CNOT6: variants seen among roughly 807,000 people sequenced by gnomAD.
The protein encoded by CNOT6 is CCR4-NOT transcription complex subunit 6.
A neutral mutation model predicts 61.2 loss-of-function variants in CNOT6; 12 were observed. That is an observed-to-expected ratio of 0.20 (90% CI 0.13 to 0.32). The LOEUF is 0.32. Ranked by LOEUF, CNOT6 falls within the 10% of genes least tolerant of loss-of-function variation. CNOT6 has a pLI of 1.00. For synonymous variants in CNOT6, 225 were observed against 240.6 expected, an observed-to-expected ratio of 0.94 and a Z score of 0.60; for missense variants, 405 against 663.9, an observed-to-expected ratio of 0.61 and a Z score of 4.28.
At chr5:180,522,570 G>A (rs1262400980) in intron 1 of CNOT6, among the ~76,000 whole-genome samples, 3 of 152,126 alleles carry the variant, frequency 2.0e-5, no homozygotes, top group Non-Finnish European at 4.4e-5. Flanking sequence ...CATTCTGACT[G>A]GTGTGAGATG....
At chr5:180,551,024 G>C (rs149101415) in intron 3 of CNOT6, among the ~76,000 whole-genome samples, 31 of 152,224 alleles carry the variant, frequency 2.0e-4, no homozygotes, top group African/African-American at 7.5e-4. Context: ...CTAGTACCTT[G>C]CCTGGCATAT....
intron 2 of CNOT6, among the ~76,000 whole-genome samples, chr5:180,540,230 A>G (rs1244842432): frequency 1.3e-5 from 2 of 152,156 alleles, no homozygotes; most frequent in Admixed American, 1.3e-4. Flanking sequence ...CATTGGGACT[A>G]TATCCCCCTT....
rs578088555 is a variant in CNOT6, at chr5:180,572,366, C to T, written c.1461+934C>T. Among the ~76,000 whole-genome samples, 154 of 151,832 alleles carry T rather than the reference C, an allele frequency of 1.0e-3. 1 individual carries two copies. The highest frequency in any genetic ancestry group is 6.8e-4 in the Non-Finnish European group (46 of 67,894). ...CACCTCACCTGGCTAATTTTTGTATCTTTGGTAGAGACGGAGTTTCACCAT... is the reference window on the plus strand; with the variant it reads ...CACCTCACCTGGCTAATTTTTGTATTTTTGGTAGAGACGGAGTTTCACCAT... On this transcript the variant is annotated intron_variant, in intron 11 of 11. Transcript: ENST00000261951.
intron 1 of CNOT6, among the ~76,000 whole-genome samples, chr5:180,496,062 A>G (rs1756599903): frequency 6.6e-6 from 1 of 152,068 alleles, no homozygotes; most frequent in African/African-American, 2.4e-5. Context: ...ACCGGCAGAC[A>G]CCACCACGGC....
intron 1 of CNOT6, 86 bp downstream of exon 1, chr5:180,494,849 T>G (rs1435782805): frequency 6.6e-6 from 1 of 151,794 alleles, no homozygotes; most frequent in African/African-American, 2.4e-5. Flanking sequence ...CCGGGCTCGG[T>G]CGCGGGCAAC....
At position 180,576,873 on chromosome 5, in the gene CNOT6, CATA is replaced by C. The variant is rs1761023482; in HGVS notation, c.*2676_*2678del. ...GTAACAAATATATTTAATGTGTTGC[CATA>C]ATGTCATTTCAGTATTTTTGCTGGA... On this transcript the variant is annotated 3_prime_UTR_variant, in exon 12 of 12. Coordinates refer to ENST00000261951, the MANE Select transcript of CNOT6 (RefSeq NM_001370472.1). The C allele has an allele frequency of 6.6e-6, 1 of 151,852 alleles. No individual in the cohort carries two copies. The highest frequency in any genetic ancestry group is 2.4e-5 in the African/African-American group (1 of 41,366). The allele number at this position is 151,852 out of a possible 1,614,324, so 9.4% of individuals were successfully genotyped here.
At chr5:180,521,429 CA>C (rs1288136649) in intron 1 of CNOT6, among the ~76,000 whole-genome samples, 1 of 152,112 alleles carries the variant, frequency 6.6e-6, no homozygotes. Context: ...TAACAAGTTC[CA>C]ACAGCCTAGA....
intron 2 of CNOT6, among the ~76,000 whole-genome samples, chr5:180,544,045 T>C (rs1457750659): frequency 6.6e-6 from 1 of 152,150 alleles, no homozygotes. Context: ...TCTCCTGACC[T>C]CGTGATCCAC....
At chr5:180,551,764 G>A (rs1759612469) in intron 3 of CNOT6, among the ~76,000 whole-genome samples, 1 of 151,936 alleles carries the variant, frequency 6.6e-6, no homozygotes, top group African/African-American at 2.4e-5. Context: ...TGCCTCTATT[G>A]CTCCTACTCC....
At chr5:180,553,550 G>T in intron 4 of CNOT6, 79 bp downstream of exon 4, 1 of 1,063,434 alleles carries the variant, frequency 9.4e-7, no homozygotes, top group East Asian at 2.4e-5. Context: ...CTTTCTGCTA[G>T]GGGATTCTTT....
chr5:180,545,046 TTAAG>T (rs1265486286), intron 2 of CNOT6, among the ~76,000 whole-genome samples: 3 of 152,206 alleles, frequency 2.0e-5, no homozygotes, highest in Admixed American at 6.5e-5. Flanking sequence ...GAATGGAAAA[TTAAG>T]TAAATAAAAT....
chr5:180,519,008 A>G (rs1757771236), intron 1 of CNOT6, among the ~76,000 whole-genome samples: 1 of 152,222 alleles, frequency 6.6e-6, no homozygotes, highest in Non-Finnish European at 1.5e-5. Flanking sequence ...CATATTGTCC[A>G]GGTTGTCTTG....
intron 2 of CNOT6, among the ~76,000 whole-genome samples, chr5:180,533,017 A>G (rs1758469242): frequency 6.6e-6 from 1 of 152,120 alleles, no homozygotes. Context: ...TCGGGTTTTT[A>G]TGGAGGCTTC....
intron 2 of CNOT6, among the ~76,000 whole-genome samples, chr5:180,539,615 A>T (rs1215003917): frequency 2.3e-5 from 2 of 88,258 alleles, no homozygotes; most frequent in South Asian, 4.4e-4. Flanking sequence ...TTTGAGACGG[A>T]GTCTTGTTCT....
intron 9 of CNOT6, among the ~76,000 whole-genome samples, chr5:180,568,363 A>G (rs1231224632): frequency 1.3e-5 from 2 of 151,806 alleles, no homozygotes; most frequent in African/African-American, 4.8e-5. Context: ...ATATTCTGTA[A>G]GCTAACTTCT....
rs1164255737 is a variant in CNOT6 at position 180,565,184 on chromosome 5, A to G, written c.559+441A>G. Among the ~76,000 whole-genome samples the G allele has an allele frequency of 3.9e-5, 6 of 152,344 alleles. No individual in the cohort carries two copies. In the East Asian group the frequency reaches 7.7e-4, roughly 20 times the overall value. ...AGTGTACTGATGAAATTCACTTAAA[A>G]TGAATACACCCAAATTTTTCTCTAT... On this transcript the variant is annotated intron_variant, in intron 6 of 11. Coordinates refer to ENST00000261951, the MANE Select transcript of CNOT6 (RefSeq NM_001370472.1).
intron 1 of CNOT6, among the ~76,000 whole-genome samples, chr5:180,505,343 C>T (rs1757085733): frequency 1.5e-5 from 2 of 133,394 alleles, no homozygotes; most frequent in South Asian, 5.0e-4. Context: ...GCAAGCTCCA[C>T]CTCCCAGGTT....
intron 1 of CNOT6, among the ~76,000 whole-genome samples, chr5:180,523,681 C>G (rs1199556282): frequency 6.6e-6 from 1 of 152,122 alleles, no homozygotes; most frequent in Non-Finnish European, 1.5e-5. Context: ...TCATATTCTG[C>G]TAAGTCTCTT....
In CNOT6 at chr5:180,538,686, GTATA is replaced by G. The variant is rs59342527; in HGVS notation, c.112+9325_112+9328del. Among the ~76,000 whole-genome samples, 190 of 85,118 alleles carry G rather than the reference GTATA, an allele frequency of 2.2e-3. 1 individual carries two copies. The highest frequency in any genetic ancestry group is 5.0e-3 in the South Asian group (9 of 1,786). 55.8% of individuals were successfully genotyped at this position (85,118 alleles called of 152,430 possible). A position where few individuals can be genotyped will look rare whatever the true frequency, so the allele number is the denominator to read the frequency against. On this transcript the variant is annotated intron_variant, in intron 2 of 11. Transcript: ENST00000261951. Reference sequence around the variant, plus strand: ...GAGCGAGACTCTGTCTGAGAAAAAGGTATATATATATATATATATATATATATAT... The same window carrying G: ...GAGCGAGACTCTGTCTGAGAAAAAGGTATATATATATATATATATATATAT...
Sources: allele counts gnomAD v4.1 joint callset (sites outside exome capture counted in the v4.1 genomes callset), GRCh38; gene constraint gnomAD v4.1.1; transcripts MANE v1.5; gene names NCBI Gene and HGNC (gene_info 2026-07-23, HGNC 2026-07-21).